PTPRG: variants seen among roughly 807,000 people sequenced by gnomAD.
The protein encoded by PTPRG is protein tyrosine phosphatase receptor type G, also known as receptor-type tyrosine-protein phosphatase gamma.
A neutral mutation model predicts 165.3 loss-of-function variants in PTPRG; 102 were observed. The observed-to-expected ratio is 0.62, with a 90% CI of 0.53 to 0.73. The LOEUF is 0.73. PTPRG is among the 30% of genes least tolerant of loss of function. PTPRG has a pLI of 0.00. For synonymous variants in PTPRG, 675 were observed against 669.5 expected (o/e 1.01, Z -0.13); for missense variants, 1,866 against 1,861.4 (o/e 1.00, Z -0.05).
At chr3:61,579,890 G>A (rs1206842079) in intron 1 of PTPRG, among the ~76,000 whole-genome samples, 1 of 152,070 alleles carries the variant, frequency 6.6e-6, no homozygotes, top group Non-Finnish European at 1.5e-5. Flanking sequence ...GAACAACATG[G>A]GTTTGAACTG....
intron 1 of PTPRG, among the ~76,000 whole-genome samples, chr3:61,663,667 C>T (rs149602386): frequency 6.6e-6 from 1 of 152,262 alleles, no homozygotes; most frequent in East Asian, 1.9e-4. Context: ...GTTCACCAAA[C>T]TGTAGAATCA....
At chr3:62,072,513 C>G (rs1242129865) in intron 4 of PTPRG, among the ~76,000 whole-genome samples, 1 of 152,064 alleles carries the variant, frequency 6.6e-6, no homozygotes, top group Non-Finnish European at 1.5e-5. Context: ...AAAAATTTGG[C>G]AGAACTGGTC....
chr3:61,992,259 T>G (rs1284903232), intron 3 of PTPRG, among the ~76,000 whole-genome samples: 2 of 152,186 alleles, frequency 1.3e-5, no homozygotes, highest in Non-Finnish European at 2.9e-5. Context: ...ATTTTTTTTT[T>G]TAATCTCTTG....
At chr3:61,581,037 C>CTGGGCT (rs1700282455) in intron 1 of PTPRG, among the ~76,000 whole-genome samples, 1 of 152,210 alleles carries the variant, frequency 6.6e-6, no homozygotes, top group Non-Finnish European at 1.5e-5. Flanking sequence ...TTTTCAAAGC[C>CTGGGCT]TGGGCTTGGT....
intron 1 of PTPRG, among the ~76,000 whole-genome samples, chr3:61,717,489 A>G (rs1293490847): frequency 2.0e-5 from 3 of 152,156 alleles, no homozygotes; most frequent in African/African-American, 4.8e-5. Flanking sequence ...AGGTGTTACT[A>G]TAAAGAATGA....
At position 61,762,965 on chromosome 3, in the gene PTPRG, G is replaced by A. The variant is rs147067843; in HGVS notation, c.190+13983G>A. Among the ~76,000 whole-genome samples the A allele has an allele frequency of 4.1e-3, 623 of 152,196 alleles. 4 individuals are homozygous for A. The highest frequency in any genetic ancestry group is 0.014 in the African/African-American group (586 of 41,544). On this transcript the variant is annotated intron_variant, in intron 2 of 29. Transcript: ENST00000474889. ...CAGAATTCTAGATGTCAAATACTGA[G>A]TACAAAGTTCAGAGGAGAAAGGGAA...
chr3:61,624,636 C>G (rs1442715385), intron 1 of PTPRG, among the ~76,000 whole-genome samples: 1 of 152,124 alleles, frequency 6.6e-6, no homozygotes, highest in African/African-American at 2.4e-5. Flanking sequence ...GTTTAAGCCT[C>G]TGATAGCAGC....
intron 2 of PTPRG, among the ~76,000 whole-genome samples, chr3:61,831,372 T>C (rs1036543310): frequency 2.6e-5 from 4 of 152,242 alleles, no homozygotes; most frequent in Non-Finnish European, 4.4e-5. Context: ...GTCATTTGAC[T>C]TGCATAAAAT....
chr3:62,081,073 C>T lies in PTPRG; in HGVS notation c.615+2815C>T, dbSNP rs548923591. On this transcript the variant is annotated intron_variant, in intron 5 of 29. Coordinates refer to ENST00000474889, the MANE Select transcript of PTPRG (RefSeq NM_002841.4). ...GAGATCGAGACCATCCTGGCTAACA[C>T]GGTGAAACCCCATCTCTACTAAAAA... Among the ~76,000 whole-genome samples the T allele has an allele frequency of 9.7e-3, 1,471 of 151,590 alleles. 16 individuals are homozygous for T. The highest frequency in any genetic ancestry group is 0.034 in the African/African-American group (1,382 of 41,242).
chr3:61,889,230 T>C (rs2038137683), intron 2 of PTPRG, among the ~76,000 whole-genome samples: 1 of 152,262 alleles, frequency 6.6e-6, no homozygotes, highest in Non-Finnish European at 1.5e-5. Flanking sequence ...TATGTATTTC[T>C]GTACCTTTGT....
chr3:62,276,752 G>T, intron 24 of PTPRG: 1 of 530,554 alleles, frequency 1.9e-6, no homozygotes. Context: ...CAGTAAAACT[G>T]TATTCCTACA....
chr3:61,898,182 T>TA (rs1468203432), intron 2 of PTPRG, among the ~76,000 whole-genome samples: 4 of 152,162 alleles, frequency 2.6e-5, no homozygotes, highest in South Asian at 4.1e-4. Flanking sequence ...TAGCTATACT[T>TA]ACGTTACAAA....
chr3:61,591,251 C>T (rs140814421), intron 1 of PTPRG, among the ~76,000 whole-genome samples: 2 of 152,312 alleles, frequency 1.3e-5, no homozygotes, highest in African/African-American at 2.4e-5. Flanking sequence ...ATAATAGAAA[C>T]GAGGGTCTTG....
intron 2 of PTPRG, among the ~76,000 whole-genome samples, chr3:61,763,244 GTTTT>G (rs548286039): frequency 2.0e-5 from 3 of 146,594 alleles, no homozygotes; most frequent in South Asian, 4.4e-4. Context: ...ATTTTCAGGT[GTTTT>G]TTTTTTTGAG....
At chr3:61,883,291 C>G (rs949842287) in intron 2 of PTPRG, among the ~76,000 whole-genome samples, 2 of 152,156 alleles carry the variant, frequency 1.3e-5, no homozygotes, top group East Asian at 1.9e-4. Flanking sequence ...CTTATTAATA[C>G]ATCAGGTCCT....
intron 4 of PTPRG, among the ~76,000 whole-genome samples, chr3:62,037,570 T>C (rs1335836347): frequency 6.6e-6 from 1 of 152,218 alleles, no homozygotes; most frequent in African/African-American, 2.4e-5. Context: ...TCAGGTTACA[T>C]GGACCTACTC....
chr3:61,981,454 G>T (rs1417009624), intron 2 of PTPRG, among the ~76,000 whole-genome samples: 1 of 152,208 alleles, frequency 6.6e-6, no homozygotes, highest in Non-Finnish European at 1.5e-5. Context: ...TTAGTCAAGT[G>T]CTGTTTCTGA....
intron 12 of PTPRG, among the ~76,000 whole-genome samples, chr3:62,209,713 G>T (rs904170072): frequency 1.3e-5 from 2 of 152,170 alleles, no homozygotes; most frequent in African/African-American, 2.4e-5. Context: ...GGCCGAAGGG[G>T]TTATTCAGCT....
At chr3:61,566,379 G>T (rs1314441687) in intron 1 of PTPRG, among the ~76,000 whole-genome samples, 1 of 152,256 alleles carries the variant, frequency 6.6e-6, no homozygotes, top group East Asian at 1.9e-4. Flanking sequence ...TAACAGAGTA[G>T]AATCAGTTAT....
Sources: allele counts gnomAD v4.1 joint callset (sites outside exome capture counted in the v4.1 genomes callset), GRCh38; gene constraint gnomAD v4.1.1; transcripts MANE v1.5; gene names NCBI Gene and HGNC (gene_info 2026-07-23, HGNC 2026-07-21).